The following STK38 variants were observed in gnomAD, a reference collection of about 807,000 sequenced individuals.
STK38 encodes the protein serine/threonine kinase 38.
A neutral mutation model predicts 59.0 loss-of-function variants in STK38; 26 were observed. That is an observed-to-expected ratio of 0.44 (90% confidence interval 0.32 to 0.61). STK38 has a LOEUF of 0.61. STK38 is among the 20% of genes least tolerant of loss of function. The pLI is 0.04. For missense variants in STK38, 433 were observed against 566.0 expected (o/e 0.76, Z 2.38); for synonymous variants, 175 against 176.6 (o/e 0.99, Z 0.07).
chr6:36,494,364 G>A lies in STK38; in HGVS notation c.*1420C>T, dbSNP rs62402194. The A allele has an allele frequency of 0.035, 5,317 of 152,738 alleles. 117 individuals carry two copies. The highest frequency in any genetic ancestry group is 0.055 in the African/African-American group (2,295 of 41,548). 9.5% of individuals were successfully genotyped at this position (152,738 alleles called of 1,614,324 possible). On this transcript the variant is annotated 3_prime_UTR_variant, in exon 14 of 14. Coordinates refer to ENST00000229812, the MANE Select transcript of STK38 (RefSeq NM_007271.4). ...GAAAGCAGGCTCCCAGCTGCAGCTCGGCCACAATACTTTGCAACAGGCAAA... is the reference window on the plus strand; with the variant it reads ...GAAAGCAGGCTCCCAGCTGCAGCTCAGCCACAATACTTTGCAACAGGCAAA...
chr6:36,542,495 T>C (rs968896042), intron 1 of STK38, among the ~76,000 whole-genome samples: 1 of 152,174 alleles, frequency 6.6e-6, no homozygotes, highest in Non-Finnish European at 1.5e-5. Context: ...TTTAAAATAT[T>C]GTTTTCAACC....
chr6:36,504,898 C>CAAAAAAAAAAAAA (rs562032331), intron 9 of STK38, among the ~76,000 whole-genome samples: 26 of 64,006 alleles, frequency 4.1e-4, no homozygotes, highest in Middle Eastern at 0.013. Context: ...TCCTGGCCTC[C>CAAAAAAAAAAAAA]AAAAAAAAAA....
chr6:36,510,573 C>G (rs1403818315), intron 7 of STK38, among the ~76,000 whole-genome samples: 1 of 152,250 alleles, frequency 6.6e-6, no homozygotes, highest in South Asian at 2.1e-4. Flanking sequence ...GCACCTCCCC[C>G]ACTGCAGCTG....
intron 7 of STK38, among the ~76,000 whole-genome samples, chr6:36,510,002 A>G (rs1055911493): frequency 2.0e-5 from 3 of 152,178 alleles, no homozygotes; most frequent in African/African-American, 4.8e-5. Context: ...GCAGGCCCGG[A>G]AAAACCACCG....
At chr6:36,535,782 A>G (rs551643628) in intron 2 of STK38, among the ~76,000 whole-genome samples, 1 of 150,912 alleles carries the variant, frequency 6.6e-6, no homozygotes, top group South Asian at 2.1e-4. Flanking sequence ...AGGCTGAGAC[A>G]GGAGAATAGC....
chr6:36,535,923 AAATT>A (rs1193471259), intron 2 of STK38, among the ~76,000 whole-genome samples: 2 of 152,040 alleles, frequency 1.3e-5, no homozygotes, highest in East Asian at 3.8e-4. Flanking sequence ...TTTTCCGTAG[AAATT>A]AATAACTTGA....
chr6:36,541,207 A>G (rs901616582), intron 1 of STK38, among the ~76,000 whole-genome samples: 2 of 152,164 alleles, frequency 1.3e-5, no homozygotes, highest in Non-Finnish European at 2.9e-5. Context: ...GCCCACAAAT[A>G]TATCTTTAAA....
chr6:36,546,859 G>A (rs1489829755), intron 1 of STK38, among the ~76,000 whole-genome samples: 2 of 152,154 alleles, frequency 1.3e-5, no homozygotes, highest in East Asian at 3.9e-4. Flanking sequence ...GATCCCTGAG[G>A]GACTGACTGG....
chr6:36,502,488 T>C (rs528067403), intron 9 of STK38, among the ~76,000 whole-genome samples: 3 of 152,338 alleles, frequency 2.0e-5, no homozygotes, highest in South Asian at 2.1e-4. Flanking sequence ...TTCAGGACAT[T>C]AATCTGTTTA....
chr6:36,540,944 G>A (rs1456045469), intron 1 of STK38, among the ~76,000 whole-genome samples: 3 of 151,526 alleles, frequency 2.0e-5, no homozygotes, highest in Non-Finnish European at 2.9e-5. Context: ...TGTCGCCCAG[G>A]CTGGAGTGCA....
chr6:36,509,424 G>C (rs564563264), intron 7 of STK38, among the ~76,000 whole-genome samples: 6 of 152,164 alleles, frequency 3.9e-5, no homozygotes, highest in Non-Finnish European at 7.4e-5. Flanking sequence ...AGAAGGCTGG[G>C]AAGTTTTACA....
chr6:36,518,030 C>G (rs915017498), intron 5 of STK38, among the ~76,000 whole-genome samples, 190 bp from the exon 6 acceptor site: 2 of 152,172 alleles, frequency 1.3e-5, no homozygotes, highest in African/African-American at 4.8e-5. Context: ...TCAAGGTATT[C>G]AGTGATGAAA....
intron 2 of STK38, among the ~76,000 whole-genome samples, chr6:36,534,241 A>G (rs1430926398): frequency 2.0e-5 from 3 of 152,202 alleles, no homozygotes; most frequent in Admixed American, 6.5e-5. Flanking sequence ...AAAGCATTTG[A>G]AAAAAATTCA....
intron 9 of STK38, among the ~76,000 whole-genome samples, chr6:36,505,492 C>T (rs1199486685): frequency 6.6e-6 from 1 of 152,154 alleles, no homozygotes; most frequent in Non-Finnish European, 1.5e-5. Context: ...TTCCTTAAAC[C>T]ATCCCATAGG....
At chr6:36,500,105 C>G in intron 9 of STK38, 115 bp from the exon 10 acceptor site, 2 of 749,210 alleles carry the variant, frequency 2.7e-6, no homozygotes, top group Non-Finnish European at 2.4e-6. Flanking sequence ...GCTAAATAAG[C>G]AGGACTGCCC....
intron 7 of STK38, 49 bp downstream of exon 7, chr6:36,515,289 T>G: frequency 6.3e-7 from 1 of 1,593,314 alleles, no homozygotes; most frequent in Non-Finnish European, 8.6e-7. Flanking sequence ...AAGCAGAGGC[T>G]GCTCAGATCA....
Position 36,497,803 on chromosome 6 carries a change from T to A in STK38, c.1149A>T (p.Glu383Asp), listed in dbSNP as rs1776740615. The A allele has an allele frequency of 6.2e-7, 1 of 1,613,374 alleles. No homozygotes were observed. Among genetic ancestry groups the A allele is most frequent in the African/African-American group, 1.3e-5 (1 of 74,954 alleles). Residue 383 changes from glutamate (E) to aspartate (D), a missense_variant, in exon 12 of 14, where the codon GAA becomes GAT. This residue lies in a region of STK38 where 136 missense variants were observed against 156.7 expected (regional missense o/e 0.87). Transcript: ENST00000229812. The stretch of plus-strand genomic sequence containing the variant: ...ACCTGATATGTTCCCAGTCAACGCC[T>A]TCAAAAAAAGAGTTACTTTTTATTT... ...VEEIKSNSFF[E>D]GVDWEHIRER... is the part of the protein sequence containing the mutation.
chr6:36,521,887 G>A, intron 4 of STK38, 70 bp from the exon 5 acceptor site: 2 of 1,231,162 alleles, frequency 1.6e-6, no homozygotes, highest in Admixed American at 4.2e-5. Flanking sequence ...ATGTGTTATA[G>A]GATGCAATAA....
At chr6:36,512,397 G>A (rs547106061) in intron 7 of STK38, among the ~76,000 whole-genome samples, 11 of 152,300 alleles carry the variant, frequency 7.2e-5, no homozygotes, top group Admixed American at 2.6e-4. Context: ...AGGGGACAAA[G>A]AAGCCAGCAC....
Sources: allele counts gnomAD v4.1 joint callset (sites outside exome capture counted in the v4.1 genomes callset), GRCh38; gene constraint gnomAD v4.1.1; regional missense constraint gnomAD v4.1.1; transcripts MANE v1.5; gene names NCBI Gene and HGNC (gene_info 2026-07-23, HGNC 2026-07-21).